The following ARHGEF7 variants were observed in gnomAD, a reference collection of about 807,000 sequenced individuals.
The protein encoded by ARHGEF7 is Rho guanine nucleotide exchange factor 7.
Under a neutral mutation model 109.8 loss-of-function variants are expected in ARHGEF7, and 33 were observed. The observed-to-expected ratio is 0.30, with a 90% CI of 0.23 to 0.40. The LOEUF (loss-of-function observed/expected upper bound fraction) is 0.40. Ranked by LOEUF, ARHGEF7 falls within the 10% of genes least tolerant of loss-of-function variation. The probability of loss-of-function intolerance (pLI) is 1.00; values close to 1 mark genes in which losing one functional copy is unlikely to be tolerated. For synonymous variants in ARHGEF7, 458 were observed against 424.6 expected, an observed-to-expected ratio of 1.08 and a Z score of -0.97; for missense variants, 938 against 1,098.5, an observed-to-expected ratio of 0.85 and a Z score of 2.07.
At chr13:111,290,842 G>T (rs913776228) in intron 18 of ARHGEF7, among the ~76,000 whole-genome samples, 3 of 152,248 alleles carry the variant, frequency 2.0e-5, no homozygotes, top group African/African-American at 7.2e-5. Flanking sequence ...AGTAATAGGA[G>T]AAATTGCTCG....
chr13:111,287,869 G>A (rs527454315), intron 17 of ARHGEF7, among the ~76,000 whole-genome samples: 18 of 152,274 alleles, frequency 1.2e-4, no homozygotes, highest in Non-Finnish European at 2.2e-4. Context: ...ACGGGCTGCC[G>A]TGTGGGGAAC....
At chr13:111,116,220 C>T (rs992426206) in intron 1 of ARHGEF7, 2 of 152,832 alleles carry the variant, frequency 1.3e-5, no homozygotes, top group East Asian at 1.9e-4. Flanking sequence ...TACTACTTTC[C>T]CCTCGAGAAA....
intron 1 of ARHGEF7, chr13:111,153,593 A>G (rs2076030070): frequency 4.5e-6 from 5 of 1,121,746 alleles, no homozygotes; most frequent in African/African-American, 3.3e-5. Flanking sequence ...CGAACACCCG[A>G]CGCTATCCGA....
chr13:111,262,167 T>G (rs1024693772), intron 8 of ARHGEF7, among the ~76,000 whole-genome samples: 2 of 152,200 alleles, frequency 1.3e-5, no homozygotes, highest in African/African-American at 4.8e-5. Flanking sequence ...AAAGTGGCTT[T>G]TTTGAAAAAA....
intron 2 of ARHGEF7, among the ~76,000 whole-genome samples, chr13:111,198,304 G>T (rs2080799595): frequency 6.6e-6 from 1 of 152,086 alleles, no homozygotes; most frequent in African/African-American, 2.4e-5. Context: ...TCACTGCTTG[G>T]CGATAGTCCC....
chr13:111,252,773 A>C (rs2089937242), intron 8 of ARHGEF7, among the ~76,000 whole-genome samples: 1 of 152,396 alleles, frequency 6.6e-6, no homozygotes, highest in East Asian at 1.9e-4. Context: ...TAGGACACCA[A>C]GAGGGTGAGG....
chr13:111,254,134 A>G (rs1166176156), intron 8 of ARHGEF7, among the ~76,000 whole-genome samples: 1 of 152,146 alleles, frequency 6.6e-6, no homozygotes, highest in Non-Finnish European at 1.5e-5. Context: ...CCAGTCCTTT[A>G]CTCAGATTGT....
chr13:111,214,590 G>A (rs547688035), intron 4 of ARHGEF7, among the ~76,000 whole-genome samples: 1 of 152,184 alleles, frequency 6.6e-6, no homozygotes, highest in African/African-American at 2.4e-5. Flanking sequence ...GTGAACTCGG[G>A]TCACGTTTCA....
intron 1 of ARHGEF7, among the ~76,000 whole-genome samples, chr13:111,138,437 C>T (rs2075190541): frequency 6.6e-6 from 1 of 152,134 alleles, no homozygotes; most frequent in Non-Finnish European, 1.5e-5. Context: ...GCCGAGATCA[C>T]ACCACTGCCC....
intron 2 of ARHGEF7, among the ~76,000 whole-genome samples, chr13:111,190,056 AGAG>A (rs1288914319): frequency 2.0e-5 from 3 of 152,210 alleles, no homozygotes; most frequent in African/African-American, 7.2e-5. Context: ...AGTGTCCTCC[AGAG>A]GAGAACTATT....
intron 1 of ARHGEF7, chr13:111,144,045 A>C (rs748000836): frequency 1.3e-5 from 2 of 152,214 alleles, no homozygotes; most frequent in African/African-American, 2.4e-5. Flanking sequence ...AGAGTTTGTG[A>C]GAACCAAGCC....
At chr13:111,275,511 G>A (rs1483801637) in intron 11 of ARHGEF7, 21 bp from the exon 12 acceptor site, 2 of 1,613,140 alleles carry the variant, frequency 1.2e-6, no homozygotes, top group Non-Finnish European at 1.7e-6. Flanking sequence ...TCTGTTAACA[G>A]TGTTGTTCTG....
chr13:111,199,563 C>T (rs961033689), intron 2 of ARHGEF7, among the ~76,000 whole-genome samples: 7 of 152,168 alleles, frequency 4.6e-5, no homozygotes, highest in Non-Finnish European at 1.0e-4. Flanking sequence ...CAGCCGAGCC[C>T]CATCTTCCTC....
chr13:111,283,349 C>G lies in ARHGEF7; in HGVS notation c.1936C>G (p.Leu646Val). 6.5e-7 allele frequency: 1 copy of G among 1,546,932 alleles called. No homozygotes were observed. Among genetic ancestry groups the G allele is most frequent in the Non-Finnish European group, 8.7e-7 (1 of 1,149,946 alleles). The change falls in exon 16 of 22, where the codon CTC (leucine) becomes GTC (valine). Residue 646 changes from leucine (L) to valine (V), a missense_variant. Coordinates refer to ENST00000646102, the MANE Select transcript of ARHGEF7 (RefSeq NM_001354046.2). ...GCCTCCCCTCCGGCCCTCAGCTGCT[C>G]TCTGCTACAAGGAGGTGAGGTCCCT... Reference protein sequence around the residue: ...PAPPLRPSAALCYKEDLSKSP... With the variant: ...PAPPLRPSAAVCYKEDLSKSP...
At chr13:111,167,230 AT>A (rs1184109065) in intron 2 of ARHGEF7, among the ~76,000 whole-genome samples, 2 of 152,202 alleles carry the variant, frequency 1.3e-5, no homozygotes, top group African/African-American at 2.4e-5. Flanking sequence ...TGGCAAAGAT[AT>A]GATCTCTGGG....
intron 3 of ARHGEF7, chr13:111,209,143 G>C (rs758415918): frequency 6.6e-6 from 1 of 152,208 alleles, no homozygotes; most frequent in Non-Finnish European, 1.5e-5. Flanking sequence ...GGCCGGGCAC[G>C]TGCCTCTCAG....
intron 2 of ARHGEF7, among the ~76,000 whole-genome samples, chr13:111,184,359 GT>G (rs1204474705): frequency 6.6e-6 from 1 of 152,230 alleles, no homozygotes; most frequent in Non-Finnish European, 1.5e-5. Flanking sequence ...TATTGTTGAA[GT>G]TTTTTGACCT....
chr13:111,278,702 C>G (rs917458130), intron 13 of ARHGEF7, among the ~76,000 whole-genome samples: 63 of 152,348 alleles, frequency 4.1e-4, no homozygotes, highest in African/African-American at 1.5e-3. Context: ...CTAGCAGCTA[C>G]TTCTGTGTTA....
At chr13:111,268,391 CA>C (rs1230040131) in intron 9 of ARHGEF7, among the ~76,000 whole-genome samples, 1 of 152,010 alleles carries the variant, frequency 6.6e-6, no homozygotes, top group African/African-American at 2.4e-5. Flanking sequence ...TAATATTTTA[CA>C]AAAAATTTCA....
Sources: allele counts gnomAD v4.1 joint callset (sites outside exome capture counted in the v4.1 genomes callset), GRCh38; gene constraint gnomAD v4.1.1; transcripts MANE v1.5; gene names NCBI Gene and HGNC (gene_info 2026-07-23, HGNC 2026-07-21).